Variants in ARMCX4 observed in about 807,000 individuals in gnomAD.
The protein encoded by ARMCX4 is armadillo repeat containing X-linked 4, also known as armadillo repeat-containing X-linked protein 4.
Under a neutral mutation model 34.7 loss-of-function variants are expected in ARMCX4, and 3 were observed. That is an observed-to-expected ratio of 0.09 (90% CI 0.04 to 0.22). The LOEUF is 0.22. Among genes scored for constraint, ARMCX4 ranks in the 10% least tolerant of loss-of-function variants. ARMCX4 has a pLI of 1.00. For synonymous variants in ARMCX4, 513 were observed against 632.8 expected, an observed-to-expected ratio of 0.81 and a Z score of 2.84; for missense variants, 1,448 against 1,720.8, an observed-to-expected ratio of 0.84 and a Z score of 2.81.
intron 1 of ARMCX4, chrX:101,418,431 C>T (rs1001670317): frequency 4.4e-5 from 5 of 112,844 alleles, no homozygotes; most frequent in Admixed American, 1.9e-4. Flanking sequence ...AAGACAATCG[C>T]TTTGCCAAAC....
At chrX:101,437,255 G>C (rs782741810) in intron 2 of ARMCX4, among the ~76,000 whole-genome samples, 1 of 111,766 alleles carries the variant, frequency 8.9e-6, no homozygotes, top group South Asian at 3.7e-4. Flanking sequence ...GCAGAATTTG[G>C]CTGTGAATCC....
intron 5 of ARMCX4, 99 bp from the exon 6 acceptor site, chrX:101,488,345 C>T (rs782369783): frequency 2.9e-4 from 226 of 787,825 alleles, no homozygotes; most frequent in Middle Eastern, 4.7e-4. Context: ...TTCCACCAAG[C>T]ACATGGTTCT....
chrX:101,454,740 G>A (rs1347814410), intron 4 of ARMCX4, among the ~76,000 whole-genome samples: 2 of 111,178 alleles, frequency 1.8e-5, no homozygotes, highest in Non-Finnish European at 3.8e-5. Context: ...TTGTCAATTC[G>A]GGCTGTCATA....
intron 11 of ARMCX4, among the ~76,000 whole-genome samples, chrX:101,526,595 C>T (rs1416510889): frequency 1.2e-4 from 13 of 111,775 alleles, no homozygotes; most frequent in South Asian, 3.7e-4. Context: ...ACCCATCTCA[C>T]GTGCAGAGAC....
chrX:101,418,657 C>G (rs921826480), intron 1 of ARMCX4: 2 of 111,611 alleles, frequency 1.8e-5, no homozygotes, highest in Non-Finnish European at 3.8e-5. Context: ...GATCTCGGGC[C>G]GGTCCCCGGG....
intron 2 of ARMCX4, among the ~76,000 whole-genome samples, chrX:101,436,969 C>G (rs1408495671): frequency 8.9e-6 from 1 of 111,934 alleles, no homozygotes; most frequent in Non-Finnish European, 1.9e-5. Context: ...GTATGTTGAA[C>G]CAGCCTTGCA....
chrX:101,531,043 G>A (rs1935117977), intron 11 of ARMCX4, among the ~76,000 whole-genome samples: 1 of 111,779 alleles, frequency 8.9e-6, no homozygotes, highest in South Asian at 3.8e-4. Flanking sequence ...ACTAAAATGG[G>A]TTGAAAGGGC....
At chrX:101,481,878 A>G (rs1413504126), upstream of ARMCX4, among the ~76,000 whole-genome samples, 1 of 111,483 alleles carries the variant, frequency 9.0e-6, no homozygotes, top group Admixed American at 9.6e-5. Context: ...ATGTACTGGT[A>G]TGTAGAGCTC....
At chrX:101,444,174 G>A (rs922898648) in intron 3 of ARMCX4, 7 of 248,661 alleles carry the variant, frequency 2.8e-5, no homozygotes, top group African/African-American at 2.0e-4. Context: ...GACTGTGGCT[G>A]GTGGCAGAGG....
At chrX:101,430,066 T>C (rs1555991686) in intron 2 of ARMCX4, among the ~76,000 whole-genome samples, 1 of 111,848 alleles carries the variant, frequency 8.9e-6, no homozygotes. Context: ...ACAAATGTTC[T>C]ATATCTTTCC....
At chrX:101,431,065 G>A (rs1555991855) in intron 2 of ARMCX4, among the ~76,000 whole-genome samples, 1 of 111,386 alleles carries the variant, frequency 9.0e-6, no homozygotes, top group Non-Finnish European at 1.9e-5. Flanking sequence ...AGGATCTAAG[G>A]CTCAGATGTT....
intron 4 of ARMCX4, among the ~76,000 whole-genome samples, chrX:101,477,178 G>A (rs1933226698): frequency 9.1e-6 from 1 of 109,588 alleles, no homozygotes; most frequent in Non-Finnish European, 1.9e-5. Flanking sequence ...GGTGGCTCAC[G>A]CCTGTAACCC....
chrX:101,468,232 A>G (rs1419863748), intron 4 of ARMCX4, among the ~76,000 whole-genome samples: 4 of 111,367 alleles, frequency 3.6e-5, no homozygotes, highest in Non-Finnish European at 7.5e-5. Context: ...TTAAGTTCCA[A>G]ATAGATTTTT....
chrX:101,509,091 A>G (rs190575096), intron 8 of ARMCX4, among the ~76,000 whole-genome samples: 1 of 111,974 alleles, frequency 8.9e-6, no homozygotes, highest in East Asian at 2.8e-4. Context: ...TTTCCAAAAT[A>G]TACTCCCAAT....
At chrX:101,508,185 C>T (rs1934499508) in intron 8 of ARMCX4, among the ~76,000 whole-genome samples, 1 of 112,077 alleles carries the variant, frequency 8.9e-6, no homozygotes, top group African/African-American at 3.2e-5. Context: ...ACTGTATCAC[C>T]GAACAATGCA....
At chrX:101,531,843 T>A (rs1402305970) in exon 12 of ARMCX4, 2 of 111,897 alleles carry the variant, frequency 1.8e-5, no homozygotes, top group African/African-American at 3.2e-5. Flanking sequence ...TTCATCATCA[T>A]GAAAACAGAA....
exon 13 of ARMCX4, chrX:101,533,362 A>G (rs1295483509): frequency 9.0e-6 from 1 of 110,695 alleles, no homozygotes; most frequent in African/African-American, 3.3e-5. Flanking sequence ...GCTACCTGCT[A>G]TTGCTAACCT....
At chrX:101,464,080 A>G (rs1932746150) in intron 4 of ARMCX4, among the ~76,000 whole-genome samples, 1 of 109,955 alleles carries the variant, frequency 9.1e-6, no homozygotes, top group South Asian at 4.0e-4. Flanking sequence ...GATTTAAATA[A>G]TATGTGTTCA....
In ARMCX4 at chrX:101,489,094, G is replaced by C; in HGVS notation, c.505G>C (p.Ala169Pro). 1 of 1,156,259 alleles carries C rather than the reference G, an allele frequency of 8.6e-7. No homozygotes were observed. The highest frequency in any genetic ancestry group is 1.1e-6 in the Non-Finnish European group (1 of 873,041). The stretch of plus-strand genomic sequence containing the variant: ...GAAAGAAGCAGTGACACAGACCAAG[G>C]CTAAAGCTTGGGCGCTGGTTGCCAA... Reference protein sequence around the residue: ...VKKEAVTQTKAKAWALVAKTE... With the variant: ...VKKEAVTQTKPKAWALVAKTE... The change falls in exon 6 of 6, where the codon GCT becomes CCT. Residue 169 changes from alanine to proline, a missense_variant. Transcript: ENST00000423738.
Sources: allele counts gnomAD v4.1 joint callset (sites outside exome capture counted in the v4.1 genomes callset), GRCh38; gene constraint gnomAD v4.1.1; transcripts MANE v1.5; gene names NCBI Gene and HGNC (gene_info 2026-07-23, HGNC 2026-07-21).